Variants in UBASH3A observed in about 807,000 individuals in gnomAD.
UBASH3A encodes ubiquitin associated and SH3 domain containing A, also known as ubiquitin-associated and SH3 domain-containing protein A.
A neutral mutation model predicts 73.5 loss-of-function variants in UBASH3A; 63 were observed. That is an observed-to-expected ratio of 0.86 (90% CI 0.70 to 1.06). The LOEUF (loss-of-function observed/expected upper bound fraction) is 1.06. Among genes scored for constraint, UBASH3A ranks in the 50% least tolerant of loss-of-function variants. The pLI is 0.00. For missense variants in UBASH3A, 860 were observed against 859.0 expected (o/e 1.00, Z -0.02); for synonymous variants, 363 against 351.1 (o/e 1.03, Z -0.38).
chr21:42,410,051 G>A, intron 3 of UBASH3A: 1 of 701,656 alleles, frequency 1.4e-6, no homozygotes, highest in South Asian at 1.5e-5. Flanking sequence ...AAAATGTGTG[G>A]TAAGTCAACT....
At chr21:42,443,112 G>A in intron 12 of UBASH3A, 200 bp from the exon 13 acceptor site, 1 of 1,374,632 alleles carries the variant, frequency 7.3e-7, no homozygotes, top group Non-Finnish European at 9.4e-7. Flanking sequence ...CTGGTGTTGA[G>A]TAAGAATGTG....
At chr21:42,419,826 T>G (rs1446555064) in intron 7 of UBASH3A, among the ~76,000 whole-genome samples, 1 of 152,242 alleles carries the variant, frequency 6.6e-6, no homozygotes, top group Admixed American at 6.5e-5. Flanking sequence ...ATTCAACGAA[T>G]TACATGAGAT....
chr21:42,418,520 T>A lies in UBASH3A; in HGVS notation c.957T>A (p.Ile319=). ...QQDEASEGWV[I]GISQRTGCRG... is the part of the protein sequence containing the mutation. ...ACGAAGCCAGCGAGGGCTGGGTGAT[T>A]GGGATCTCACAGCGGACGGGCTGCC... Residue 319 remains isoleucine, a synonymous_variant, in exon 7 of 15, where the codon ATT becomes ATA. Coordinates refer to ENST00000319294, the MANE Select transcript of UBASH3A (RefSeq NM_018961.4). 1 of 1,614,172 alleles carries A rather than the reference T, an allele frequency of 6.2e-7. No homozygotes were observed. Among genetic ancestry groups the A allele is most frequent in the Non-Finnish European group, 8.5e-7 (1 of 1,180,002 alleles).
At position 42,447,395 on chromosome 21, in the gene UBASH3A, G is replaced by A. The variant is rs545823678; in HGVS notation, c.*201G>A. 1.6e-5 allele frequency: 9 copies of A among 561,544 alleles called. No individual in the cohort carries two copies. Among genetic ancestry groups the A allele is most frequent in the Non-Finnish European group, 2.4e-5 (8 of 331,654 alleles). The allele number at this position is 561,544 out of a possible 1,614,324, so 34.8% of individuals were successfully genotyped here. The stretch of plus-strand genomic sequence containing the variant: ...CCATCTGTGGACCCATCGTCCACCA[G>A]CCCAGCTGCGGGGAGCACAGGGCAG... On this transcript the variant is annotated 3_prime_UTR_variant, in exon 15 of 15. Coordinates refer to ENST00000319294, the MANE Select transcript of UBASH3A (RefSeq NM_018961.4).
At chr21:42,421,980 G>C (rs2053345885) in intron 7 of UBASH3A, among the ~76,000 whole-genome samples, 1 of 152,116 alleles carries the variant, frequency 6.6e-6, no homozygotes, top group South Asian at 2.1e-4. Context: ...AGGAGATTTG[G>C]TGACTATGGC....
chr21:42,440,656 G>A (rs184240239), intron 11 of UBASH3A, among the ~76,000 whole-genome samples: 3 of 152,342 alleles, frequency 2.0e-5, no homozygotes, highest in Admixed American at 6.5e-5. Context: ...CAGGCCGTGC[G>A]AGAGTCCCCA....
intron 11 of UBASH3A, among the ~76,000 whole-genome samples, chr21:42,437,956 G>C (rs2053658766): frequency 1.3e-5 from 2 of 152,330 alleles, no homozygotes; most frequent in South Asian, 4.1e-4. Flanking sequence ...ACCCTTCCCA[G>C]GGCAATGCAC....
chr21:42,436,774 C>T (rs1359887354), intron 10 of UBASH3A, among the ~76,000 whole-genome samples: 1 of 152,160 alleles, frequency 6.6e-6, no homozygotes. Flanking sequence ...CTTCCAGTAT[C>T]ACAGGGGGAA....
chr21:42,406,254 C>G, intron 1 of UBASH3A, 54 bp from the exon 2 acceptor site: 1 of 1,501,040 alleles, frequency 6.7e-7, no homozygotes. Context: ...CCTCTCTGAC[C>G]CTTTTCCCAA....
chr21:42,444,281 G>C (rs373357955), intron 13 of UBASH3A, among the ~76,000 whole-genome samples: 19 of 152,366 alleles, frequency 1.2e-4, no homozygotes, highest in East Asian at 5.8e-4. Flanking sequence ...GCGACCACAG[G>C]GGGTGGCTCA....
intron 7 of UBASH3A, 54 bp from the exon 8 acceptor site, chr21:42,426,643 A>G: frequency 1.9e-6 from 3 of 1,599,790 alleles, no homozygotes; most frequent in Non-Finnish European, 1.7e-6. Flanking sequence ...CTGGGTCTCC[A>G]TGGCAACAAC....
chr21:42,419,040 T>C (rs1432502467), intron 7 of UBASH3A, among the ~76,000 whole-genome samples: 1 of 152,206 alleles, frequency 6.6e-6, no homozygotes, highest in Non-Finnish European at 1.5e-5. Flanking sequence ...ATGGTATTTA[T>C]GGGTTGAGAG....
Position 42,413,411 on chromosome 21 carries a change from C to A in UBASH3A, c.555C>A (p.Gly185=), listed in dbSNP as rs189737519. 3.5e-4 allele frequency: 567 copies of A among 1,612,106 alleles called. 4 individuals carry two copies. The East Asian group carries it at 0.01, about 29-fold the overall frequency. ...TFATEASLLA[G]TSVSRFWIFS... is the part of the protein sequence containing the mutation. ...GTGGCTGCACCTGTCCTCACCCAGGCACTTCCGTTTCCCGCTTCTGGATTT... is the reference window on the plus strand; with the variant it reads ...GTGGCTGCACCTGTCCTCACCCAGGAACTTCCGTTTCCCGCTTCTGGATTT... Residue 185 remains glycine (G), a splice_region_variant and synonymous_variant, in exon 5 of 15, where the codon GGC becomes GGA. Coordinates refer to ENST00000319294, the MANE Select transcript of UBASH3A (RefSeq NM_018961.4). This position sits in a 1 kb window ranked among gnomAD's most constrained non-coding sequence, Gnocchi z 4.5.
chr21:42,444,735 G>A, intron 14 of UBASH3A, 92 bp downstream of exon 14: 1 of 1,116,768 alleles, frequency 9.0e-7, no homozygotes, highest in Admixed American at 1.7e-5. Context: ...GAAAACAAGT[G>A]TCCGGCTGAC....
At position 42,443,452 on chromosome 21, in the gene UBASH3A, C is replaced by T. The variant is rs548753669; in HGVS notation, c.1738+34C>T. ...CTCACCATCCTCAGTATGAACAGCC[C>T]CTGGGGCTTGGGGAATTATCTCTGA... is the stretch of plus-strand genomic sequence containing the variant. On this transcript the variant is annotated intron_variant, in intron 13 of 14. Transcript: ENST00000319294. 2.0e-5 allele frequency: 31 copies of T among 1,536,656 alleles called. No homozygotes were observed. In the South Asian group the frequency reaches 3.7e-4, roughly 18 times the overall value.
At chr21:42,444,316 G>A (rs552717185) in intron 13 of UBASH3A, among the ~76,000 whole-genome samples, 4 of 152,352 alleles carry the variant, frequency 2.6e-5, no homozygotes, top group Admixed American at 2.6e-4. Flanking sequence ...CCTCCCTGAG[G>A]CTGGTGGGCA....
In UBASH3A at chr21:42,439,545, C is replaced by T. The variant is rs187552964; in HGVS notation, c.1486+1965C>T. On this transcript the variant is annotated intron_variant, in intron 11 of 14. Transcript: ENST00000319294. ...GACTCGCGAATCCCCAAAGGCCTGA[C>T]GGCAGTGTAGCCGGAGGCCAGAGGC... 4.9e-4 allele frequency among the ~76,000 whole-genome samples: 74 copies of T among 152,280 alleles called. 1 individual carries two copies. Among genetic ancestry groups the T allele is most frequent in the African/African-American group, 1.7e-3 (71 of 41,530 alleles).
chr21:42,422,243 G>A (rs1224348584), intron 7 of UBASH3A, among the ~76,000 whole-genome samples: 1 of 152,274 alleles, frequency 6.6e-6, no homozygotes, highest in South Asian at 2.1e-4. Context: ...GCAAATGTGG[G>A]ATGAAAAATG....
chr21:42,439,059 G>T (rs371566963), intron 11 of UBASH3A, among the ~76,000 whole-genome samples: 1 of 151,994 alleles, frequency 6.6e-6, no homozygotes, highest in East Asian at 1.9e-4. Context: ...GATCCCCTTC[G>T]CCCCGTCAGA....
Sources: gnomAD v4.1 joint callset for allele counts (sites outside exome capture counted in the v4.1 genomes callset) on GRCh38, gnomAD v4.1.1 for gene constraint, Gnocchi (gnomAD v3.1) non-coding constraint, MANE v1.5 for transcripts, NCBI Gene and HGNC (gene_info 2026-07-23, HGNC 2026-07-21) for gene names.